Variants in TAFA2 observed in about 807,000 individuals in gnomAD.
TAFA2 encodes TAFA chemokine like family member 2.
Under a neutral mutation model 18.8 loss-of-function variants are expected in TAFA2, and 7 were observed. The observed-to-expected ratio is 0.37, with a 90% CI of 0.21 to 0.70. TAFA2 has a LOEUF of 0.70. Ranked by LOEUF, TAFA2 falls within the 30% of genes least tolerant of loss-of-function variation. TAFA2 has a pLI of 0.53. For missense variants in TAFA2, 122 were observed against 158.1 expected (o/e 0.77, Z 1.23); for synonymous variants, 60 against 54.2 (o/e 1.11, Z -0.47).
intron 2 of TAFA2, among the ~76,000 whole-genome samples, chr12:61,775,127 C>T (rs948493190): frequency 7.3e-5 from 11 of 151,714 alleles, no homozygotes; most frequent in African/African-American, 2.7e-4. Flanking sequence ...CACTATACAC[C>T]TCTTAGAATG....
At chr12:62,163,984 T>G (rs930323527) in intron 1 of TAFA2, among the ~76,000 whole-genome samples, 3 of 152,152 alleles carry the variant, frequency 2.0e-5, no homozygotes, top group Non-Finnish European at 4.4e-5. Flanking sequence ...CTTCAACAGA[T>G]ACTTCTATAA....
chr12:62,235,571 G>A (rs138154326), intron 1 of TAFA2: 6 of 333,898 alleles, frequency 1.8e-5, no homozygotes, highest in Middle Eastern at 6.2e-4. Flanking sequence ...AACCCACCAC[G>A]GCATCGCAGG....
intron 4 of TAFA2, among the ~76,000 whole-genome samples, chr12:61,718,497 A>G (rs1869759060): frequency 1.3e-5 from 2 of 152,354 alleles, no homozygotes; most frequent in Admixed American, 1.3e-4. Flanking sequence ...AGAATCACAC[A>G]CACAAAATTA....
intron 1 of TAFA2, among the ~76,000 whole-genome samples, chr12:61,997,818 A>G (rs1034715248): frequency 7.9e-5 from 12 of 152,122 alleles, no homozygotes; most frequent in Non-Finnish European, 1.5e-4. Flanking sequence ...TTTTTTTCAA[A>G]TAAACATTTT....
chr12:62,211,722 A>G (rs535443091), intron 1 of TAFA2, among the ~76,000 whole-genome samples: 4 of 152,266 alleles, frequency 2.6e-5, no homozygotes, highest in Admixed American at 2.6e-4. Context: ...GTGAAATCCT[A>G]TCTTTTTAGG....
chr12:61,882,516 A>G (rs1875191783), intron 1 of TAFA2, among the ~76,000 whole-genome samples: 2 of 152,130 alleles, frequency 1.3e-5, no homozygotes, highest in Non-Finnish European at 2.9e-5. Context: ...GTAAAAGGAG[A>G]ATAAAATGGC....
intron 2 of TAFA2, among the ~76,000 whole-genome samples, chr12:61,824,794 A>T (rs1872473694): frequency 6.6e-6 from 1 of 152,204 alleles, no homozygotes; most frequent in African/African-American, 2.4e-5. Flanking sequence ...TTCAGAGATA[A>T]ATAAGACATG....
chr12:62,066,137 G>GTC (rs1381014463), intron 1 of TAFA2, among the ~76,000 whole-genome samples: 1 of 151,028 alleles, frequency 6.6e-6, no homozygotes. Context: ...GTGTGTGTGT[G>GTC]TGTGTGTGTG....
At chr12:61,851,301 G>A (rs1432322166) in intron 2 of TAFA2, among the ~76,000 whole-genome samples, 1 of 152,094 alleles carries the variant, frequency 6.6e-6, no homozygotes, top group African/African-American at 2.4e-5. Context: ...AAGTTAGATG[G>A]ACAAATAAAG....
Position 61,959,393 on chromosome 12 carries a change from A to C in TAFA2, c.-1-91967T>G, listed in dbSNP as rs144409532. 4.4e-3 allele frequency among the ~76,000 whole-genome samples: 674 copies of C among 152,014 alleles called. 4 individuals carry two copies. Among genetic ancestry groups the C allele is most frequent in the Non-Finnish European group, 7.8e-3 (532 of 67,932 alleles). ...TATAGGTCTGCTACTCTTCTTTTTAAATTTAGTTCTAAGAATTTTAGTTTT... is the reference window on the plus strand; with the variant it reads ...TATAGGTCTGCTACTCTTCTTTTTACATTTAGTTCTAAGAATTTTAGTTTT... On this transcript the variant is annotated intron_variant, in intron 1 of 4. Transcript: ENST00000416284.
intron 1 of TAFA2, among the ~76,000 whole-genome samples, chr12:62,105,480 T>C (rs1195848793): frequency 6.6e-6 from 1 of 152,188 alleles, no homozygotes; most frequent in Non-Finnish European, 1.5e-5. Context: ...ATAGTATCAT[T>C]AGCCATTAAA....
intron 1 of TAFA2, among the ~76,000 whole-genome samples, chr12:62,205,569 G>A (rs995009512): frequency 6.6e-6 from 1 of 152,246 alleles, no homozygotes. Flanking sequence ...CAGTGAGGAG[G>A]GATGGGTCAG....
intron 2 of TAFA2, among the ~76,000 whole-genome samples, chr12:61,781,867 CT>C (rs1247983926): frequency 2.0e-5 from 3 of 151,552 alleles, no homozygotes; most frequent in Non-Finnish European, 4.4e-5. Flanking sequence ...GTAATTTTTA[CT>C]TTTGTTTAGG....
chr12:61,963,896 A>C (rs186819234), intron 1 of TAFA2, among the ~76,000 whole-genome samples: 11 of 152,166 alleles, frequency 7.2e-5, no homozygotes, highest in Admixed American at 7.2e-4. Context: ...GACCAATGGA[A>C]CAGAACAGAG....
Position 62,045,992 on chromosome 12 carries a change from C to G in TAFA2, c.-2+145267G>C, listed in dbSNP as rs944949668. On this transcript the variant is annotated intron_variant, in intron 1 of 4. Transcript: ENST00000416284. ...TGAGAACTGTGATCCAAAAGAAATT[C>G]TGAGGGAAAATAAGATGAATGGTGA... is the stretch of plus-strand genomic sequence containing the variant. Among the ~76,000 whole-genome samples, 17 of 152,000 alleles carry G rather than the reference C, an allele frequency of 1.1e-4. 1 individual carries two copies. The highest frequency in any genetic ancestry group is 4.4e-5 in the Non-Finnish European group (3 of 67,984).
intron 1 of TAFA2, among the ~76,000 whole-genome samples, chr12:61,899,911 G>A (rs193133650): frequency 2.1e-4 from 32 of 152,246 alleles, no homozygotes; most frequent in African/African-American, 5.8e-4. Flanking sequence ...ATAGGTTATA[G>A]GCAAATACTA....
intron 1 of TAFA2, among the ~76,000 whole-genome samples, chr12:62,151,345 C>T (rs767816173): frequency 6.6e-5 from 10 of 152,192 alleles, no homozygotes; most frequent in East Asian, 1.9e-4. Flanking sequence ...ATTCCTCTTG[C>T]GGGTTAGTCC....
chr12:61,968,511 G>C (rs1879141394), intron 1 of TAFA2, among the ~76,000 whole-genome samples: 1 of 151,686 alleles, frequency 6.6e-6, no homozygotes, highest in African/African-American at 2.4e-5. Flanking sequence ...CAGCATCATT[G>C]CCTCAAGCCC....
chr12:62,079,480 C>G (rs1338649064), intron 1 of TAFA2, among the ~76,000 whole-genome samples: 1 of 149,986 alleles, frequency 6.7e-6, no homozygotes, highest in African/African-American at 2.5e-5. Flanking sequence ...TGGTGAAACC[C>G]CGTCTCTACT....
Sources: gnomAD v4.1 joint callset for allele counts (sites outside exome capture counted in the v4.1 genomes callset) on GRCh38, gnomAD v4.1.1 for gene constraint, MANE v1.5 for transcripts, NCBI Gene and HGNC (gene_info 2026-07-23, HGNC 2026-07-21) for gene names.